The following NEB variants were observed in gnomAD, a reference collection of about 807,000 sequenced individuals.
NEB encodes nebulin.
Under a neutral mutation model 952.2 loss-of-function variants are expected in NEB, and 512 were observed. The observed-to-expected ratio is 0.54, with a 90% CI of 0.50 to 0.58. NEB has a LOEUF of 0.58. Ranked by LOEUF, NEB falls within the 20% of genes least tolerant of loss-of-function variation. The pLI is 0.00. For synonymous variants in NEB, 2,900 were observed against 3,149.8 expected, an observed-to-expected ratio of 0.92 and a Z score of 2.66; for missense variants, 8,428 against 9,231.1, an observed-to-expected ratio of 0.91 and a Z score of 3.56.
rs982808720 is a variant in NEB, at chr2:151,547,564, G to A, written c.20263-31C>T. The A allele has an allele frequency of 5.0e-6, 8 of 1,598,810 alleles. No individual in the cohort carries two copies. In the African/African-American group the frequency reaches 1.1e-4, roughly 21 times the overall value. On this transcript the variant is annotated intron_variant, in intron 132 of 181. Coordinates refer to ENST00000397345, the MANE Select transcript of NEB (RefSeq NM_001164508.2). ...GAAAAAAAAATACCCCAAAACATAT[G>A]TATTAGAGACCGAATGATTAACATT...
In NEB at chr2:151,485,417, T is replaced by C. The variant is rs2049597766; in HGVS notation, c.*343A>G. Reference sequence around the variant, plus strand: ...AACTTCAGAACTGAATTAGAAATAATAAGCATTAGCAATCAGCAAGGAAAA... The same window carrying C: ...AACTTCAGAACTGAATTAGAAATAACAAGCATTAGCAATCAGCAAGGAAAA... On this transcript the variant is annotated 3_prime_UTR_variant, in exon 182 of 182. Transcript: ENST00000397345. 2 of 180,712 alleles carry C rather than the reference T, an allele frequency of 1.1e-5. No individual in the cohort carries two copies. The highest frequency in any genetic ancestry group is 6.0e-5 in the Admixed American group (1 of 16,634). The allele number at this position is 180,712 out of a possible 1,614,324, so 11.2% of individuals were successfully genotyped here.
At chr2:151,538,278 A>C in intron 138 of NEB, 34 bp from the exon 139 acceptor site, 1 of 1,464,800 alleles carries the variant, frequency 6.8e-7, no homozygotes, top group South Asian at 1.1e-5. Flanking sequence ...ATTACAAAAA[A>C]ACTACCAAGT....
Position 151,551,379 on chromosome 2 carries a change from T to C in NEB, c.19944+359A>G, listed in dbSNP as rs564403179. Among the ~76,000 whole-genome samples the C allele has an allele frequency of 1.3e-3, 203 of 152,350 alleles. 1 individual carries two copies. The Middle Eastern group carries it at 0.027, about 20-fold the overall frequency. On this transcript the variant is annotated intron_variant, in intron 129 of 181. Transcript: ENST00000397345. Reference sequence around the variant, plus strand: ...GTTAAATATGCAGGTGGGATCCAGGTTCTTTCTCTTCTGAATTCCAGCAAC... The same window carrying C: ...GTTAAATATGCAGGTGGGATCCAGGCTCTTTCTCTTCTGAATTCCAGCAAC...
chr2:151,678,083 T>C lies in NEB; in HGVS notation c.3360A>G (p.Ile1120Met). ...CTTTTTTATACTCCCGATCTGATTG[T>C]ATCTTGGCCACGTTCATATAATGAA... Reference protein sequence around the residue: ...KLVHYMNVAKIQSDREYKKDY... With the variant: ...KLVHYMNVAKMQSDREYKKDY... Residue 1120 changes from isoleucine (I) to methionine (M), a missense_variant, in exon 33 of 182, where the codon ATA becomes ATG. This residue lies in a region of NEB where 2,851 missense variants were observed against 2,791.5 expected (regional missense o/e 1.02). Transcript: ENST00000397345. 3 of 1,613,904 alleles carry C rather than the reference T, an allele frequency of 1.9e-6. No homozygotes were observed. Among genetic ancestry groups the C allele is most frequent in the Non-Finnish European group, 1.7e-6 (2 of 1,179,804 alleles).
intron 54 of NEB, among the ~76,000 whole-genome samples, chr2:151,648,087 G>A (rs916491858): frequency 1.3e-5 from 2 of 152,032 alleles, no homozygotes; most frequent in Non-Finnish European, 2.9e-5. Context: ...AAGCAAATGT[G>A]GTAAAATTTT....
At chr2:151,703,926 G>A (rs1403166588) in intron 13 of NEB, among the ~76,000 whole-genome samples, 1 of 119,218 alleles carries the variant, frequency 8.4e-6, no homozygotes, top group South Asian at 2.9e-4. Context: ...TTTGGAGGAG[G>A]AGAGGCGCTC....
chr2:151,537,201 G>C lies in NEB; in HGVS notation c.21138C>G (p.Gly7046=), dbSNP rs2093340252. 2 of 1,612,934 alleles carry C rather than the reference G, an allele frequency of 1.2e-6. No homozygotes were observed. The highest frequency in any genetic ancestry group is 1.7e-6 in the Non-Finnish European group (2 of 1,179,250). ...KYKEDLTWLK[G]IGCYAYDTPD... ...GGGTATCATAGGCATAGCAACCAAT[G>C]CCTTTAAGCCAAGTCAAGTCTTCTT... The change falls in exon 141 of 182, where the codon GGC becomes GGG. Residue 7046 remains glycine (G), a synonymous_variant. Transcript: ENST00000397345.
chr2:151,702,361 C>T lies in NEB; in HGVS notation c.1152+4520G>A, dbSNP rs559391024. ...TATTCTGTTGGTTTGGGGTGGAGAG[C>T]TCTGTAGATGTCAATTAGGTCCGCT... On this transcript the variant is annotated intron_variant, in intron 13 of 181. Coordinates refer to ENST00000397345, the MANE Select transcript of NEB (RefSeq NM_001164508.2). Among the ~76,000 whole-genome samples, 313 of 152,154 alleles carry T rather than the reference C, an allele frequency of 2.1e-3. 2 individuals are homozygous for T. The highest frequency in any genetic ancestry group is 7.2e-3 in the African/African-American group (299 of 41,492).
chr2:151,643,030 T>C (rs2098903264), intron 58 of NEB, 120 bp downstream of exon 58: 2 of 1,235,082 alleles, frequency 1.6e-6, no homozygotes, highest in Non-Finnish European at 2.3e-6. Flanking sequence ...CACAATACTT[T>C]AAAACCACAT....
chr2:151,489,850 A>G lies in NEB; in HGVS notation c.25404+121T>C, dbSNP rs1647635160. ...TCATTAATATGAAACATGTAATAAA[A>G]GAGCATTATATAAAATAGAAGGTTT... On this transcript the variant is annotated intron_variant, in intron 181 of 181. Coordinates refer to ENST00000397345, the MANE Select transcript of NEB (RefSeq NM_001164508.2). The G allele has an allele frequency of 1.5e-5, 9 of 597,706 alleles. No individual in the cohort carries two copies. In the Admixed American group the frequency reaches 2.6e-4, roughly 17 times the overall value. 37.0% of individuals were successfully genotyped at this position (597,706 alleles called of 1,614,324 possible).
chr2:151,578,666 G>C (rs1326281972), intron 105 of NEB, among the ~76,000 whole-genome samples: 2 of 149,298 alleles, frequency 1.3e-5, no homozygotes, highest in Non-Finnish European at 1.5e-5. Flanking sequence ...AAAGAGACAA[G>C]GAGGGAAGGA....
chr2:151,636,322 G>C lies in NEB; in HGVS notation c.9007C>G (p.Leu3003Val), dbSNP rs1415513452. The change falls in exon 64 of 182, where the codon CTT becomes GTT. Residue 3003 changes from leucine (L) to valine (V), a missense_variant. By Grantham distance (32) the Leu-to-Val change is conservative. Transcript: ENST00000397345. Reference sequence around the variant, plus strand: ...TTCTTCTTTGCTTCTTCATTAGCAAGTTTGTACAGACTCTAAATTTGGGGG... The same window carrying C: ...TTCTTCTTTGCTTCTTCATTAGCAACTTTGTACAGACTCTAAATTTGGGGG... Reference protein sequence around the residue: ...KINYSESLYKLANEEAKKKGY... With the variant: ...KINYSESLYKVANEEAKKKGY... 2.0e-5 allele frequency: 32 copies of C among 1,605,694 alleles called. No individual in the cohort carries two copies. Among genetic ancestry groups the C allele is most frequent in the Non-Finnish European group, 2.7e-5 (32 of 1,179,278 alleles).
chr2:151,540,212 T>TA (rs66541369), intron 138 of NEB, 132 bp downstream of exon 138: 318,276 of 493,958 alleles, frequency 0.64, 104,520 homozygotes, highest in East Asian at 0.8. Context: ...TTTTTCTCTT[T>TA]AAAAAAATGT....
intron 67 of NEB, among the ~76,000 whole-genome samples, 185 bp from the exon 68 acceptor site, chr2:151,629,831 T>A (rs1047653691): frequency 1.3e-5 from 2 of 152,270 alleles, no homozygotes; most frequent in African/African-American, 4.8e-5. Context: ...TAGAAATAAA[T>A]GGGATATATC....
chr2:151,539,789 A>T (rs990670629), intron 138 of NEB, among the ~76,000 whole-genome samples: 1 of 152,232 alleles, frequency 6.6e-6, no homozygotes, highest in African/African-American at 2.4e-5. Context: ...CCACTGTGTC[A>T]TGCATCATTC....
At position 151,655,880 on chromosome 2, in the gene NEB, A is replaced by C; in HGVS notation, c.6639T>G (p.Phe2213Leu). Residue 2213 changes from phenylalanine to leucine, a missense_variant, in exon 50 of 182, where the codon TTT becomes TTG. Physicochemically the swap from Phe to Leu is conservative, Grantham distance 22 (BLOSUM62 0). Coordinates refer to ENST00000397345, the MANE Select transcript of NEB (RefSeq NM_001164508.2). ...KYRQHPSNFQ[F>L]KKLTDSMDMV... is the part of the protein sequence containing the mutation. Reference sequence around the variant, plus strand: ...TGTCCATGGAATCAGTCAGCTTCTTAAACTGGAAGTTGCTCGGGTGCTGGC... The same window carrying C: ...TGTCCATGGAATCAGTCAGCTTCTTCAACTGGAAGTTGCTCGGGTGCTGGC... The C allele has an allele frequency of 6.2e-7, 1 of 1,613,784 alleles. No homozygotes were observed. The highest frequency in any genetic ancestry group is 8.5e-7 in the Non-Finnish European group (1 of 1,179,782).
At chr2:151,619,411 T>C (rs757690341) in intron 73 of NEB, 40 bp downstream of exon 73, 1 of 1,540,098 alleles carries the variant, frequency 6.5e-7, no homozygotes, top group Non-Finnish European at 8.8e-7. Flanking sequence ...ACGTTTCAGA[T>C]CCGCTTTTAA....
intron 32 of NEB, among the ~76,000 whole-genome samples, chr2:151,678,747 G>A (rs965105999): frequency 1.3e-5 from 2 of 152,098 alleles, no homozygotes; most frequent in Non-Finnish European, 2.9e-5. Flanking sequence ...GATATGTGGA[G>A]GGCACTGTGG....
chr2:151,565,566 A>G lies in NEB; in HGVS notation c.18301T>C (p.Phe6101Leu). 1 of 1,600,230 alleles carries G rather than the reference A, an allele frequency of 6.2e-7. No homozygotes were observed. Among genetic ancestry groups the G allele is most frequent in the South Asian group, 1.1e-5 (1 of 90,286 alleles). Residue 6101 changes from phenylalanine (F) to leucine (L), a missense_variant, in exon 116 of 182, where the codon TTT becomes CTT. Coordinates refer to ENST00000397345, the MANE Select transcript of NEB (RefSeq NM_001164508.2). ...TCTGGAGGATCCACCACACTTCTAA[A>G]GTTAGGATAGTTTTCAAGGGCATTT... ...KKNALENYPN[F>L]RSVVDPPEIV...
Sources: allele counts gnomAD v4.1 joint callset (sites outside exome capture counted in the v4.1 genomes callset), GRCh38; gene constraint gnomAD v4.1.1; regional missense constraint gnomAD v4.1.1; transcripts MANE v1.5; gene names NCBI Gene and HGNC (gene_info 2026-07-23, HGNC 2026-07-21).